TRIQK: variants seen among roughly 807,000 people sequenced by gnomAD.
TRIQK encodes triple QxxK/R motif-containing protein.
Under a neutral mutation model 10.8 loss-of-function variants are expected in TRIQK, and 10 were observed. That is an observed-to-expected ratio of 0.92 (90% confidence interval 0.57 to 1.57). The LOEUF is 1.57. Among genes scored for constraint, TRIQK ranks in the 40% most tolerant of loss-of-function variants. The probability of loss-of-function intolerance (pLI) is 0.00; values close to 1 mark genes in which losing one functional copy is unlikely to be tolerated. For missense variants in TRIQK, 107 were observed against 97.7 expected (o/e 1.09, Z -0.40); for synonymous variants, 33 against 33.7 (o/e 0.98, Z 0.07).
At chr8:92,950,437 T>C (rs1811835317) in intron 2 of TRIQK, among the ~76,000 whole-genome samples, 3 of 152,282 alleles carry the variant, frequency 2.0e-5, no homozygotes, top group Admixed American at 2.0e-4. Context: ...CTCTAATCGT[T>C]GTAGGAATTT....
intron 2 of TRIQK, among the ~76,000 whole-genome samples, chr8:92,932,932 C>A (rs559006901): frequency 4.9e-4 from 75 of 152,202 alleles, no homozygotes; most frequent in African/African-American, 1.8e-3. Context: ...TTTTCTGACA[C>A]ACAGATATTT....
At chr8:92,992,766 A>C (rs942074780) in intron 1 of TRIQK, among the ~76,000 whole-genome samples, 1 of 152,150 alleles carries the variant, frequency 6.6e-6, no homozygotes, top group African/African-American at 2.4e-5. Context: ...GAAAGCTGAG[A>C]ATGAAACAGA....
At chr8:92,951,179 T>C (rs991103668) in intron 2 of TRIQK, among the ~76,000 whole-genome samples, 5 of 151,958 alleles carry the variant, frequency 3.3e-5, no homozygotes, top group Non-Finnish European at 5.9e-5. Flanking sequence ...CCTGAATTCA[T>C]GGATGCAAAA....
At chr8:92,992,655 G>A (rs1223027716) in intron 1 of TRIQK, among the ~76,000 whole-genome samples, 3 of 152,230 alleles carry the variant, frequency 2.0e-5, no homozygotes, top group Admixed American at 1.3e-4. Context: ...CCAGCCTGAG[G>A]CTGAGGCAGG....
At chr8:93,014,069 T>C (rs1813360791) in intron 1 of TRIQK, among the ~76,000 whole-genome samples, 1 of 152,062 alleles carries the variant, frequency 6.6e-6, no homozygotes, top group Non-Finnish European at 1.5e-5. Flanking sequence ...CAATTATACA[T>C]AAAAAATGGT....
intron 1 of TRIQK, among the ~76,000 whole-genome samples, chr8:92,958,367 C>T (rs1334146590): frequency 6.6e-6 from 1 of 151,956 alleles, no homozygotes; most frequent in Non-Finnish European, 1.5e-5. Flanking sequence ...ACCTGCTGGA[C>T]AAATCTTTGG....
chr8:92,889,255 C>G (rs1816641496), intron 4 of TRIQK, among the ~76,000 whole-genome samples: 1 of 151,614 alleles, frequency 6.6e-6, no homozygotes, highest in Non-Finnish European at 1.5e-5. Flanking sequence ...CTGCATATCT[C>G]TAGCCCATGA....
intron 2 of TRIQK, among the ~76,000 whole-genome samples, chr8:92,936,929 A>T (rs1481274412): frequency 6.6e-6 from 1 of 151,804 alleles, no homozygotes; most frequent in Non-Finnish European, 1.5e-5. Flanking sequence ...GAACTGTTAT[A>T]GGAGCTCAGA....
At chr8:92,942,601 T>G (rs1185643221) in intron 2 of TRIQK, among the ~76,000 whole-genome samples, 2 of 152,152 alleles carry the variant, frequency 1.3e-5, no homozygotes, top group East Asian at 3.8e-4. Flanking sequence ...GAATTTAAAT[T>G]GTGCCCGTTT....
At chr8:92,963,828 G>A (rs1452930186) in intron 1 of TRIQK, 1 of 152,010 alleles carries the variant, frequency 6.6e-6, no homozygotes, top group Non-Finnish European at 1.5e-5. Flanking sequence ...GGAAGGCAGA[G>A]GTTGTGGTGA....
intron 1 of TRIQK, among the ~76,000 whole-genome samples, chr8:92,978,826 G>C (rs1180918964): frequency 6.6e-6 from 1 of 152,088 alleles, no homozygotes; most frequent in Non-Finnish European, 1.5e-5. Flanking sequence ...ACTTGAGTGA[G>C]CTCTGGTTGT....
chr8:93,011,740 A>C (rs1214195160), intron 1 of TRIQK, among the ~76,000 whole-genome samples: 1 of 152,186 alleles, frequency 6.6e-6, no homozygotes, highest in African/African-American at 2.4e-5. Flanking sequence ...ACATTTTGTC[A>C]TTCAACCATG....
chr8:93,001,343 A>G (rs1813209263), intron 1 of TRIQK, among the ~76,000 whole-genome samples: 1 of 152,046 alleles, frequency 6.6e-6, no homozygotes, highest in African/African-American at 2.4e-5. Flanking sequence ...AGGCTACTAA[A>G]TGGGCAAAAC....
At chr8:92,963,598 A>G (rs992104955) in intron 1 of TRIQK, 2 of 152,176 alleles carry the variant, frequency 1.3e-5, no homozygotes, top group African/African-American at 4.8e-5. Flanking sequence ...TGTTCATCTC[A>G]AAAGTACAAT....
intron 1 of TRIQK, among the ~76,000 whole-genome samples, chr8:92,999,231 G>C (rs537413449): frequency 2.6e-5 from 4 of 152,100 alleles, no homozygotes; most frequent in Non-Finnish European, 5.9e-5. Flanking sequence ...TTAAACCTAT[G>C]TTACAGTTCC....
intron 3 of TRIQK, among the ~76,000 whole-genome samples, chr8:92,907,666 T>C (rs1004380689): frequency 6.6e-6 from 1 of 152,182 alleles, no homozygotes. Context: ...ATCTGTAGTG[T>C]CAGCTTTTTA....
At chr8:92,916,311 A>G (rs1395113197) in intron 3 of TRIQK, among the ~76,000 whole-genome samples, 1 of 152,172 alleles carries the variant, frequency 6.6e-6, no homozygotes, top group African/African-American at 2.4e-5. Context: ...GCTTCCTGTT[A>G]TCTTCCTGTG....
chr8:92,894,031 T>C (rs1173415266), intron 3 of TRIQK, among the ~76,000 whole-genome samples: 2 of 152,088 alleles, frequency 1.3e-5, no homozygotes, highest in African/African-American at 4.8e-5. Flanking sequence ...TAACCATTGG[T>C]TAAATAATGT....
chr8:92,915,875 A>G (rs1809812638), intron 3 of TRIQK, among the ~76,000 whole-genome samples: 2 of 152,148 alleles, frequency 1.3e-5, no homozygotes, highest in South Asian at 2.1e-4. Context: ...TTTGTTTTTC[A>G]GAAATATATT....
Sources: gnomAD v4.1 joint callset for allele counts (sites outside exome capture counted in the v4.1 genomes callset) on GRCh38, gnomAD v4.1.1 for gene constraint, MANE v1.5 for transcripts, NCBI Gene and HGNC (gene_info 2026-07-23, HGNC 2026-07-21) for gene names.